The following CTIF variants were observed in gnomAD, a reference collection of about 807,000 sequenced individuals.
The protein encoded by CTIF is CBP80/20-dependent translation initiation factor.
CTIF carries 21 observed loss-of-function variants against 66.0 expected under a neutral mutation model. That is an observed-to-expected ratio of 0.32 (90% CI 0.23 to 0.46). The LOEUF (loss-of-function observed/expected upper bound fraction) is 0.46. Ranked by LOEUF, CTIF falls within the 20% of genes least tolerant of loss-of-function variation. The pLI, the probability that CTIF is intolerant of heterozygous loss-of-function variation, is 1.00. For synonymous variants in CTIF, 345 were observed against 326.4 expected (o/e 1.06, Z -0.62); for missense variants, 739 against 812.7 (o/e 0.91, Z 1.10).
chr18:48,622,555 C>T (rs1010120749), intron 2 of CTIF, among the ~76,000 whole-genome samples: 1 of 152,108 alleles, frequency 6.6e-6, no homozygotes. Flanking sequence ...TGGCGGTCTA[C>T]AGCTGACCGC....
At chr18:48,850,764 C>A (rs544633396) in intron 10 of CTIF, among the ~76,000 whole-genome samples, 59 of 152,286 alleles carry the variant, frequency 3.9e-4, no homozygotes, top group Admixed American at 9.1e-4. Context: ...GCAGGTGGGG[C>A]CTTCAGCTGT....
intron 7 of CTIF, among the ~76,000 whole-genome samples, chr18:48,743,782 A>T (rs948980107): frequency 1.1e-4 from 16 of 151,054 alleles, no homozygotes; most frequent in South Asian, 4.2e-4. Context: ...AAAAATAACA[A>T]TTTTTTTTTT....
chr18:48,664,211 G>A (rs1486946716), intron 4 of CTIF, among the ~76,000 whole-genome samples: 3 of 152,204 alleles, frequency 2.0e-5, no homozygotes, highest in Admixed American at 6.5e-5. Context: ...TGCAGAGGCC[G>A]CTGTGCAATG....
At position 48,580,339 on chromosome 18, in the gene CTIF, T is replaced by C. The variant is rs540341043; in HGVS notation, c.-28-39199T>C. ...GCAAACAAGAGTTAGAGCAGAGGGA[T>C]AGTGTAGCCTCAGGGCCCCTTCCTC... On this transcript the variant is annotated intron_variant, in intron 1 of 11. Coordinates refer to ENST00000256413, the MANE Select transcript of CTIF (RefSeq NM_014772.3). 6.8e-4 allele frequency among the ~76,000 whole-genome samples: 104 copies of C among 152,286 alleles called. 4 individuals are homozygous for C. In the South Asian group the frequency reaches 0.019, roughly 29 times the overall value.
At chr18:48,850,201 C>T (rs113643422) in intron 10 of CTIF, among the ~76,000 whole-genome samples, 1 of 152,204 alleles carries the variant, frequency 6.6e-6, no homozygotes, top group Non-Finnish European at 1.5e-5. Context: ...CAATGGCCTT[C>T]CTTTTTAAGA....
chr18:48,782,733 T>C (rs993530848), intron 9 of CTIF, among the ~76,000 whole-genome samples: 1 of 152,180 alleles, frequency 6.6e-6, no homozygotes, highest in Non-Finnish European at 1.5e-5. Flanking sequence ...CAACCTCGGC[T>C]TGGGTTCCCT....
intron 3 of CTIF, among the ~76,000 whole-genome samples, chr18:48,638,253 G>A (rs2090860577): frequency 6.6e-6 from 1 of 152,180 alleles, no homozygotes; most frequent in African/African-American, 2.4e-5. Context: ...AAGCACCAGA[G>A]AGAGGCTTTC....
intron 1 of CTIF, chr18:48,566,604 A>C (rs1313885971): frequency 6.6e-6 from 1 of 152,234 alleles, no homozygotes; most frequent in Non-Finnish European, 1.5e-5. Context: ...CTGTGGTGGC[A>C]TCAGGGCTGG....
chr18:48,578,999 G>T (rs1177162009), intron 1 of CTIF, among the ~76,000 whole-genome samples: 1 of 152,158 alleles, frequency 6.6e-6, no homozygotes, highest in Non-Finnish European at 1.5e-5. Context: ...GGTCTGTGGT[G>T]CAGTTTGAGT....
At chr18:48,770,252 C>A (rs956230378) in intron 9 of CTIF, among the ~76,000 whole-genome samples, 1 of 152,238 alleles carries the variant, frequency 6.6e-6, no homozygotes, top group Non-Finnish European at 1.5e-5. Flanking sequence ...CTGCCCCAGG[C>A]CCCCAGGGAC....
At position 48,767,292 on chromosome 18, in the gene CTIF, G is replaced by T. The variant is rs189081975; in HGVS notation, c.1371+5603G>T. On this transcript the variant is annotated intron_variant, in intron 9 of 11. Transcript: ENST00000256413. The stretch of plus-strand genomic sequence containing the variant: ...CCAGTTTCACAGAGAAGTGAAGAAC[G>T]AGTGTGCCTCTTTTTATGGGACCTT... 2.2e-3 allele frequency among the ~76,000 whole-genome samples: 332 copies of T among 152,278 alleles called. 2 individuals carry two copies. Among genetic ancestry groups the T allele is most frequent in the African/African-American group, 7.4e-3 (306 of 41,536 alleles).
chr18:48,804,736 G>T (rs2068109552), intron 9 of CTIF, among the ~76,000 whole-genome samples: 1 of 152,120 alleles, frequency 6.6e-6, no homozygotes, highest in South Asian at 2.1e-4. Context: ...GAGAGGCAGG[G>T]TCCATGGGCT....
intron 3 of CTIF, among the ~76,000 whole-genome samples, chr18:48,644,934 C>T (rs757237538): frequency 6.6e-6 from 1 of 152,170 alleles, no homozygotes; most frequent in Non-Finnish European, 1.5e-5. Context: ...ACTATTGGAT[C>T]GTGGATAAGA....
chr18:48,651,941 A>T (rs907995204), intron 3 of CTIF, among the ~76,000 whole-genome samples: 1 of 152,250 alleles, frequency 6.6e-6, no homozygotes, highest in Non-Finnish European at 1.5e-5. Context: ...ACAACGTACC[A>T]GAATCCCTCG....
intron 1 of CTIF, among the ~76,000 whole-genome samples, chr18:48,602,092 G>A (rs1462993986): frequency 2.6e-5 from 4 of 152,242 alleles, no homozygotes; most frequent in Admixed American, 6.5e-5. Flanking sequence ...GTCATGGCCT[G>A]AGCCTGTGTG....
chr18:48,784,364 A>G (rs2146081668), intron 9 of CTIF, among the ~76,000 whole-genome samples: 1 of 152,376 alleles, frequency 6.6e-6, no homozygotes, highest in Admixed American at 6.5e-5. Flanking sequence ...AGAAGCAGAC[A>G]AGAATCATGT....
At chr18:48,846,181 C>T (rs148820330) in intron 10 of CTIF, among the ~76,000 whole-genome samples, 2 of 152,340 alleles carry the variant, frequency 1.3e-5, no homozygotes, top group Admixed American at 6.5e-5. Flanking sequence ...CCCCCAGCAC[C>T]ATATATTTTA....
At position 48,841,018 on chromosome 18, in the gene CTIF, G is replaced by GAATTT. The variant is rs539082566; in HGVS notation, c.1528-16570_1528-16569insAATTT. 2.6e-3 allele frequency among the ~76,000 whole-genome samples: 389 copies of GAATTT among 152,330 alleles called. 1 individual carries two copies. The highest frequency in any genetic ancestry group is 6.8e-3 in the Middle Eastern group (2 of 294). ...AGGTTTCTTCAAAATTCCGTGCTTG[G>GAATTT]TGGCAGAGGAGTGGGCCAGTGTGTC... is the stretch of plus-strand genomic sequence containing the variant. On this transcript the variant is annotated intron_variant, in intron 10 of 11. Coordinates refer to ENST00000256413, the MANE Select transcript of CTIF (RefSeq NM_014772.3).
At chr18:48,623,695 G>C (rs1191407066) in intron 2 of CTIF, among the ~76,000 whole-genome samples, 1 of 152,154 alleles carries the variant, frequency 6.6e-6, no homozygotes, top group Non-Finnish European at 1.5e-5. Flanking sequence ...GAGAAGACCT[G>C]AGGGAGTGGA....
Sources: allele counts gnomAD v4.1 joint callset (sites outside exome capture counted in the v4.1 genomes callset), GRCh38; gene constraint gnomAD v4.1.1; transcripts MANE v1.5; gene names NCBI Gene and HGNC (gene_info 2026-07-23, HGNC 2026-07-21).